GARRE1: variants seen among roughly 807,000 people sequenced by gnomAD.
GARRE1 encodes granule associated Rac and RHOG effector protein 1.
GARRE1 carries 49 observed loss-of-function variants against 103.2 expected under a neutral mutation model. The ratio of observed to expected loss-of-function variants is 0.47; its 90% CI spans 0.38 to 0.60. The LOEUF (loss-of-function observed/expected upper bound fraction) is 0.60, where lower values mean the gene tolerates loss of function less well. Ranked by LOEUF, GARRE1 falls within the 20% of genes least tolerant of loss-of-function variation. GARRE1 has a pLI of 0.00. For missense variants in GARRE1, 1,199 were observed against 1,370.5 expected (o/e 0.87, Z 1.98); for synonymous variants, 505 against 532.8 (o/e 0.95, Z 0.72).
At chr19:34,328,225 G>T in intron 6 of GARRE1, 74 bp downstream of exon 6, 3 of 1,525,612 alleles carry the variant, frequency 2.0e-6, no homozygotes, top group East Asian at 2.3e-5. Context: ...GTAAAGGCTT[G>T]CGAAGGATGT....
At chr19:34,267,394 C>G (rs1391670673) in intron 1 of GARRE1, among the ~76,000 whole-genome samples, 1 of 151,942 alleles carries the variant, frequency 6.6e-6, no homozygotes, top group African/African-American at 2.4e-5. Context: ...TTAGTAGAGT[C>G]GAAGTCTTGC....
At chr19:34,348,969 G>A (rs771052763) in intron 11 of GARRE1, 47 bp from the exon 12 acceptor site, 19 of 1,601,460 alleles carry the variant, frequency 1.2e-5, no homozygotes, top group Non-Finnish European at 5.1e-6. Flanking sequence ...GTGGCGGGTG[G>A]TGGGGCTGCA....
intron 2 of GARRE1, among the ~76,000 whole-genome samples, chr19:34,305,522 T>G (rs2074003733): frequency 6.6e-6 from 1 of 152,362 alleles, no homozygotes; most frequent in South Asian, 2.1e-4. Flanking sequence ...TATTTTAACC[T>G]GAGCATTACT....
chr19:34,333,985 G>A (rs2074149490), intron 8 of GARRE1, among the ~76,000 whole-genome samples, 184 bp downstream of exon 8: 1 of 152,192 alleles, frequency 6.6e-6, no homozygotes, highest in South Asian at 2.1e-4. Flanking sequence ...TCTGTGATGA[G>A]GAAGCCAAGA....
At chr19:34,333,990 C>G (rs2074149527) in intron 8 of GARRE1, among the ~76,000 whole-genome samples, 189 bp downstream of exon 8, 1 of 152,050 alleles carries the variant, frequency 6.6e-6, no homozygotes, top group Admixed American at 6.6e-5. Flanking sequence ...GATGAGGAAG[C>G]CAAGAGGTCT....
At chr19:34,318,142 C>T (rs1007930909) in intron 2 of GARRE1, among the ~76,000 whole-genome samples, 9 of 152,124 alleles carry the variant, frequency 5.9e-5, no homozygotes, top group Non-Finnish European at 1.0e-4. Flanking sequence ...AGGAGGGATT[C>T]GGAGATAATA....
chr19:34,323,117 G>A (rs1260737300), intron 3 of GARRE1, among the ~76,000 whole-genome samples: 1 of 127,226 alleles, frequency 7.9e-6, no homozygotes, highest in Admixed American at 9.9e-5. Flanking sequence ...TGCAGGCTCC[G>A]CCCCCCGGGG....
chr19:34,268,840 C>A (rs1394802885), intron 1 of GARRE1, among the ~76,000 whole-genome samples: 6 of 152,048 alleles, frequency 3.9e-5, no homozygotes, highest in African/African-American at 1.4e-4. Context: ...GTGATTACTA[C>A]CCGTTTCATT....
At chr19:34,338,452 G>A (rs190933391) in intron 8 of GARRE1, among the ~76,000 whole-genome samples, 271 of 152,324 alleles carry the variant, frequency 1.8e-3, no homozygotes, top group Non-Finnish European at 3.4e-3. Context: ...TGGGAAGATC[G>A]CTTGAGCCCA....
intron 1 of GARRE1, among the ~76,000 whole-genome samples, chr19:34,282,403 G>C (rs899041011): frequency 6.6e-6 from 1 of 152,208 alleles, no homozygotes; most frequent in African/African-American, 2.4e-5. Context: ...GCCTGCCTTG[G>C]CCTCCCAAAG....
At chr19:34,302,760 T>A (rs1317441290) in intron 2 of GARRE1, among the ~76,000 whole-genome samples, 48 of 140,372 alleles carry the variant, frequency 3.4e-4, no homozygotes, top group East Asian at 8.5e-4. Context: ...TTTTTTTTTT[T>A]AAAAGACAGA....
chr19:34,340,473 C>CT (rs1180338962), intron 9 of GARRE1, among the ~76,000 whole-genome samples: 13 of 146,198 alleles, frequency 8.9e-5, no homozygotes, highest in Non-Finnish European at 1.8e-4. Flanking sequence ...CTTTTCTTTT[C>CT]TGTCTTGGTC....
intron 3 of GARRE1, among the ~76,000 whole-genome samples, chr19:34,320,748 G>T (rs2074083484): frequency 6.7e-6 from 1 of 150,314 alleles, no homozygotes; most frequent in African/African-American, 2.4e-5. Context: ...TTGAGACAGG[G>T]TCTTGCTCTG....
At chr19:34,279,212 A>G (rs1347452519) in intron 1 of GARRE1, among the ~76,000 whole-genome samples, 1 of 152,222 alleles carries the variant, frequency 6.6e-6, no homozygotes. Context: ...AGGAAGCACC[A>G]TACTGTTTTC....
intron 1 of GARRE1, among the ~76,000 whole-genome samples, chr19:34,258,630 A>T (rs1413255034): frequency 6.6e-6 from 1 of 152,048 alleles, no homozygotes; most frequent in Non-Finnish European, 1.5e-5. Flanking sequence ...TAAAAAAAAA[A>T]TATTAAAAAA....
intron 2 of GARRE1, among the ~76,000 whole-genome samples, chr19:34,310,794 T>C (rs1212338206): frequency 6.6e-6 from 1 of 152,036 alleles, no homozygotes; most frequent in Non-Finnish European, 1.5e-5. Flanking sequence ...TTTCAACTGC[T>C]CCTCTCCCCG....
At chr19:34,262,834 A>G (rs1170602632) in intron 1 of GARRE1, among the ~76,000 whole-genome samples, 1 of 152,240 alleles carries the variant, frequency 6.6e-6, no homozygotes, top group East Asian at 1.9e-4. Flanking sequence ...AGCAAGGTAC[A>G]GAACAATGTA....
At chr19:34,306,992 C>A (rs1321176840) in intron 2 of GARRE1, among the ~76,000 whole-genome samples, 1 of 152,002 alleles carries the variant, frequency 6.6e-6, no homozygotes, top group Non-Finnish European at 1.5e-5. Context: ...AGAGAGCAAG[C>A]CTGTTGGCCC....
chr19:34,282,163 C>G (rs770619434), intron 1 of GARRE1, among the ~76,000 whole-genome samples: 1 of 151,226 alleles, frequency 6.6e-6, no homozygotes, highest in Non-Finnish European at 1.5e-5. Flanking sequence ...TTTTTTTTCT[C>G]CCCCCGAGAT....
Sources: gnomAD v4.1 joint callset for allele counts (sites outside exome capture counted in the v4.1 genomes callset) on GRCh38, gnomAD v4.1.1 for gene constraint, MANE v1.5 for transcripts, NCBI Gene and HGNC (gene_info 2026-07-23, HGNC 2026-07-21) for gene names.